C1orf159: variants seen among roughly 807,000 people sequenced by gnomAD.
C1orf159 encodes uncharacterized protein C1orf159.
In C1orf159, 19 loss-of-function variants were observed where a neutral mutation model predicts 25.6. The ratio of observed to expected loss-of-function variants is 0.74; its 90% CI spans 0.52 to 1.09. C1orf159 has a LOEUF of 1.09. Ranked by LOEUF, C1orf159 falls within the 50% of genes least tolerant of loss-of-function variation. C1orf159 has a pLI of 0.00. For synonymous variants in C1orf159, 139 were observed against 124.7 expected, an observed-to-expected ratio of 1.12 and a Z score of -0.77; for missense variants, 274 against 290.6, an observed-to-expected ratio of 0.94 and a Z score of 0.42.
In C1orf159 at chr1:1,082,986, T is replaced by A; in HGVS notation, c.504A>T (p.Val168=). The A allele has an allele frequency of 6.3e-7, 1 of 1,594,584 alleles. No individual in the cohort carries two copies. The highest frequency in any genetic ancestry group is 8.5e-7 in the Non-Finnish European group (1 of 1,170,734). Residue 168 remains valine, a splice_region_variant and synonymous_variant, in exon 10 of 10, where the codon GTA becomes GTT. Coordinates refer to ENST00000421241, the MANE Select transcript of C1orf159 (RefSeq NM_017891.5). ...AAMIPPPQSS[V]RKPRYVRRER... ...CCCGCCTGACGTAGCGCGGCTTCCG[T>A]ACTGAAACGGGTCAGAGACAGGCGA... is the stretch of plus-strand genomic sequence containing the variant.
chr1:1,096,729 TCTC>T (rs1298383970), intron 1 of C1orf159, among the ~76,000 whole-genome samples: 6 of 152,098 alleles, frequency 3.9e-5, no homozygotes, highest in Admixed American at 1.3e-4. Flanking sequence ...TTCATCATAG[TCTC>T]CTATTATTTT....
chr1:1,087,206 T>C lies in C1orf159; in HGVS notation c.245-2A>G, dbSNP rs1645845626. Reference sequence around the variant, plus strand: ...GGAATGGCGCACCCGGGCCAGCAACTGTGGGATAGCAGAACTGTGGGAAGC... The same window carrying C: ...GGAATGGCGCACCCGGGCCAGCAACCGTGGGATAGCAGAACTGTGGGAAGC... On this transcript the variant is annotated splice_acceptor_variant, in intron 5 of 9. Transcript: ENST00000421241. LOFTEE classifies it high-confidence loss of function. This position sits in a 1 kb window ranked among gnomAD's most constrained non-coding sequence, Gnocchi z 8.3. 6.2e-7 allele frequency: 1 copy of C among 1,606,368 alleles called. No homozygotes were observed. The highest frequency in any genetic ancestry group is 8.5e-7 in the Non-Finnish European group (1 of 1,177,076).
intron 4 of C1orf159, among the ~76,000 whole-genome samples, chr1:1,088,351 A>G (rs1385250752): frequency 1.0e-4 from 2 of 19,266 alleles, no homozygotes; most frequent in African/African-American, 2.2e-4. Context: ...CGCCTCCCCC[A>G]AGACCCCCAT....
At chr1:1,083,762 G>C (rs1645781630) in intron 9 of C1orf159, 3 of 699,152 alleles carry the variant, frequency 4.3e-6, no homozygotes, top group African/African-American at 1.8e-5. Context: ...AGAACGGTCT[G>C]TCCCCTAAAG....
At chr1:1,086,083 C>T in intron 6 of C1orf159, 71 bp from the exon 7 acceptor site, 5 of 1,563,662 alleles carry the variant, frequency 3.2e-6, no homozygotes, top group Non-Finnish European at 4.3e-6. Flanking sequence ...CCCGGTGCCC[C>T]CTGCACATGG....
intron 2 of C1orf159, 179 bp from the exon 3 acceptor site, chr1:1,091,744 C>T (rs190642928): frequency 0.038 from 2,741 of 71,266 alleles, 94 homozygotes; most frequent in African/African-American, 0.16. Flanking sequence ...TGGAAGTGGG[C>T]GGGGCTGTGG....
chr1:1,114,159 C>A (rs914098686), intron 1 of C1orf159, among the ~76,000 whole-genome samples: 2 of 151,888 alleles, frequency 1.3e-5, no homozygotes, highest in Non-Finnish European at 1.5e-5. Context: ...TTCTGATCCG[C>A]CCCCCTCCCC....
chr1:1,105,232 A>G (rs1415320353), intron 1 of C1orf159, among the ~76,000 whole-genome samples: 1 of 152,238 alleles, frequency 6.6e-6, no homozygotes, highest in African/African-American at 2.4e-5. Flanking sequence ...CAATTTAAGA[A>G]GTAAAGGCCA....
In C1orf159 at chr1:1,097,189, C is replaced by T. The variant is rs367586358; in HGVS notation, c.-135-5086G>A. ...TGGCATGATCTCGGCTCACTGCAACCTCTGCCTCCCGGGTTCAAGCGATTC... is the reference window on the plus strand; with the variant it reads ...TGGCATGATCTCGGCTCACTGCAACTTCTGCCTCCCGGGTTCAAGCGATTC... On this transcript the variant is annotated intron_variant, in intron 1 of 9. Transcript: ENST00000421241. 1.4e-4 allele frequency among the ~76,000 whole-genome samples: 22 copies of T among 152,266 alleles called. No individual in the cohort carries two copies. The East Asian group carries it at 2.5e-3, about 17-fold the overall frequency.
Position 1,087,715 on chromosome 1 carries a change from C to T in C1orf159, c.149-118G>A, listed in dbSNP as rs553501414. The T allele has an allele frequency of 5.2e-5, 41 of 786,704 alleles. No homozygotes were observed. In the East Asian group the frequency reaches 1.1e-3, roughly 21 times the overall value. 48.7% of individuals were successfully genotyped at this position (786,704 alleles called of 1,614,324 possible). A position where few individuals can be genotyped will look rare whatever the true frequency, so the allele number is the denominator to read the frequency against. ...AACTTTCATTCCAGATACTAACATGCTCTGGAGGGTAGGTGGGCGGCAGAC... is the reference window on the plus strand; with the variant it reads ...AACTTTCATTCCAGATACTAACATGTTCTGGAGGGTAGGTGGGCGGCAGAC... On this transcript the variant is annotated intron_variant, in intron 4 of 9. Transcript: ENST00000421241. This position sits in a 1 kb window ranked among gnomAD's most constrained non-coding sequence, Gnocchi z 8.3.
At chr1:1,084,827 C>G (rs1008764513) in intron 7 of C1orf159, among the ~76,000 whole-genome samples, 1 of 152,134 alleles carries the variant, frequency 6.6e-6, no homozygotes, top group Non-Finnish European at 1.5e-5. Flanking sequence ...TGAGAAGCGT[C>G]TCCCCAGGCT....
intron 1 of C1orf159, among the ~76,000 whole-genome samples, chr1:1,100,349 C>T (rs1032141467): frequency 4.0e-5 from 6 of 151,856 alleles, no homozygotes; most frequent in Admixed American, 6.6e-5. Context: ...TGTATACACA[C>T]GCTGCCCTTT....
At chr1:1,095,290 G>C (rs1389352140) in intron 1 of C1orf159, among the ~76,000 whole-genome samples, 1 of 152,246 alleles carries the variant, frequency 6.6e-6, no homozygotes, top group Non-Finnish European at 1.5e-5. Flanking sequence ...GTTTTAACAG[G>C]ATTGAGTCTT....
chr1:1,109,707 G>A (rs981216481), intron 1 of C1orf159, among the ~76,000 whole-genome samples: 8 of 152,260 alleles, frequency 5.3e-5, no homozygotes, highest in Admixed American at 3.9e-4. Context: ...GGGCTCAAGC[G>A]CTCCTCTCTC....
Position 1,087,672 on chromosome 1 carries a change from T to G in C1orf159, c.149-75A>C. ...GCTGGGTCTCCTGGGAATGATTCTC[T>G]ATTTGAGTTGGTGAGATAACTTTCA... On this transcript the variant is annotated intron_variant, in intron 4 of 9. Transcript: ENST00000421241. This position sits in a 1 kb window ranked among gnomAD's most constrained non-coding sequence, Gnocchi z 8.3. 1 of 1,105,578 alleles carries G rather than the reference T, an allele frequency of 9.0e-7. No individual in the cohort carries two copies. Among genetic ancestry groups the G allele is most frequent in the Non-Finnish European group, 1.3e-6 (1 of 770,160 alleles). The allele number at this position is 1,105,578 out of a possible 1,614,324, so 68.5% of individuals were successfully genotyped here.
At position 1,110,113 on chromosome 1, in the gene C1orf159, C is replaced by G. The variant is rs1410543861; in HGVS notation, c.-136+5947G>C. 6.6e-6 allele frequency among the ~76,000 whole-genome samples: 1 copy of G among 152,236 alleles called. No individual in the cohort carries two copies. The highest frequency in any genetic ancestry group is 1.5e-5 in the Non-Finnish European group (1 of 68,040). ...ACCCCGGCCTGGCACGGCCTTAGGT[C>G]CTGATTATAACTCGGCGTCTTATTG... On this transcript the variant is annotated intron_variant, in intron 1 of 9. Transcript: ENST00000421241. This position sits in a 1 kb window ranked among gnomAD's most constrained non-coding sequence, Gnocchi z 4.8.
At chr1:1,091,595 A>T in intron 2 of C1orf159, 30 bp from the exon 3 acceptor site, 1 of 1,362,786 alleles carries the variant, frequency 7.3e-7, no homozygotes, top group Non-Finnish European at 1.0e-6. Context: ...GCGGAGCCAA[A>T]GAGATGGAGT....
At position 1,085,969 on chromosome 1, in the gene C1orf159, G is replaced by A. The variant is rs1645822422; in HGVS notation, c.354C>T (p.Phe118=). ...CGGAGAGGATGAGGCCGGAGCTAAT[G>A]AAGAACGTGCCCAGGAAGAGGGAGG... ...VAASLFLGTF[F]ISSGLILSVA... Residue 118 remains phenylalanine, a synonymous_variant, in exon 7 of 10, where the codon TTC becomes TTT. Transcript: ENST00000421241. 2 of 1,613,208 alleles carry A rather than the reference G, an allele frequency of 1.2e-6. No individual in the cohort carries two copies. The highest frequency in any genetic ancestry group is 1.7e-6 in the Non-Finnish European group (2 of 1,179,826).
intron 1 of C1orf159, among the ~76,000 whole-genome samples, chr1:1,099,151 T>G (rs1217101568): frequency 1.3e-5 from 2 of 152,112 alleles, no homozygotes; most frequent in Admixed American, 6.5e-5. Flanking sequence ...ATGTTTTTGG[T>G]CTATTATTCT....
Sources: gnomAD v4.1 joint callset for allele counts (sites outside exome capture counted in the v4.1 genomes callset) on GRCh38, gnomAD v4.1.1 for gene constraint, Gnocchi (gnomAD v3.1) non-coding constraint, MANE v1.5 for transcripts, NCBI Gene and HGNC (gene_info 2026-07-23, HGNC 2026-07-21) for gene names.